Variants in PTPN4 observed in about 807,000 individuals in gnomAD.
The protein encoded by PTPN4 is tyrosine-protein phosphatase non-receptor type 4.
In PTPN4, 49 loss-of-function variants were observed where a neutral mutation model predicts 135.5. That is an observed-to-expected ratio of 0.36 (90% CI 0.29 to 0.46). The LOEUF (loss-of-function observed/expected upper bound fraction) is 0.46. Ranked by LOEUF, PTPN4 falls within the 20% of genes least tolerant of loss-of-function variation. The probability of loss-of-function intolerance (pLI) is 1.00; values close to 1 mark genes in which losing one functional copy is unlikely to be tolerated. For synonymous variants in PTPN4, 333 were observed against 369.9 expected (o/e 0.90, Z 1.14); for missense variants, 860 against 1,101.0 (o/e 0.78, Z 3.10).
chr2:119,935,177 T>A (rs1678964521), intron 15 of PTPN4: 2 of 524,466 alleles, frequency 3.8e-6, no homozygotes, highest in Non-Finnish European at 6.6e-6. Flanking sequence ...ACTTAGACAG[T>A]TCTTCAGTTT....
chr2:119,894,810 A>G (rs966903062), intron 9 of PTPN4, among the ~76,000 whole-genome samples: 1 of 152,216 alleles, frequency 6.6e-6, no homozygotes, highest in Admixed American at 6.5e-5. Flanking sequence ...TAGGTGATCA[A>G]TATTATGCAC....
chr2:119,907,693 C>T (rs1368937676), intron 10 of PTPN4, among the ~76,000 whole-genome samples: 5 of 152,052 alleles, frequency 3.3e-5, no homozygotes, highest in African/African-American at 1.2e-4. Flanking sequence ...AGATGGAAGA[C>T]ATCAAATTAT....
At chr2:119,822,457 C>CA (rs1312754149) in intron 2 of PTPN4, among the ~76,000 whole-genome samples, 1 of 145,554 alleles carries the variant, frequency 6.9e-6, no homozygotes, top group Non-Finnish European at 1.5e-5. Context: ...CTTGCGGGTT[C>CA]AAGTGATTCT....
intron 3 of PTPN4, among the ~76,000 whole-genome samples, chr2:119,870,500 A>T (rs1677894865): frequency 6.6e-6 from 1 of 152,200 alleles, no homozygotes; most frequent in African/African-American, 2.4e-5. Flanking sequence ...AGGATCCTCA[A>T]CTTCCTCTGG....
At chr2:119,956,237 ATTTTT>A (rs10627020) in intron 20 of PTPN4, among the ~76,000 whole-genome samples, 6 of 101,042 alleles carry the variant, frequency 5.9e-5, no homozygotes, top group East Asian at 3.2e-4. Flanking sequence ...ATAAACCTGA[ATTTTT>A]TTTTTTTTTT....
chr2:119,859,546 G>A (rs895988267), intron 2 of PTPN4, among the ~76,000 whole-genome samples: 14 of 152,238 alleles, frequency 9.2e-5, no homozygotes, highest in African/African-American at 3.1e-4. Flanking sequence ...TCTTCCTCCT[G>A]TCTGTTTGGG....
At chr2:119,810,650 C>T (rs1003665243) in intron 2 of PTPN4, among the ~76,000 whole-genome samples, 22 of 152,240 alleles carry the variant, frequency 1.4e-4, no homozygotes, top group African/African-American at 5.1e-4. Flanking sequence ...CTGCTGTGAA[C>T]ATTCTTGTAC....
intron 2 of PTPN4, among the ~76,000 whole-genome samples, chr2:119,853,330 GT>G (rs1407956353): frequency 4.6e-5 from 7 of 151,946 alleles, no homozygotes; most frequent in Admixed American, 1.3e-4. Context: ...CTTATTTTCT[GT>G]TTGTTCTGCT....
intron 1 of PTPN4, chr2:119,771,375 AAGT>A (rs1690731079): frequency 6.6e-6 from 1 of 152,110 alleles, no homozygotes; most frequent in East Asian, 1.9e-4. Flanking sequence ...AAATAAATAA[AAGT>A]AGGTTTATTT....
At chr2:119,845,071 C>T (rs1017411490) in intron 2 of PTPN4, among the ~76,000 whole-genome samples, 2 of 149,466 alleles carry the variant, frequency 1.3e-5, no homozygotes, top group East Asian at 2.0e-4. Flanking sequence ...GCCAACACAG[C>T]GAAACCCCGT....
At chr2:119,914,248 AT>A (rs55911315) in intron 10 of PTPN4, among the ~76,000 whole-genome samples, 1,812 of 97,086 alleles carry the variant, frequency 0.019, 4 homozygotes, top group African/African-American at 0.04. Context: ...TAGTTACTCA[AT>A]TTTTTTTTTT....
chr2:119,785,274 T>C (rs773855258), intron 1 of PTPN4, among the ~76,000 whole-genome samples: 3 of 152,218 alleles, frequency 2.0e-5, no homozygotes, highest in East Asian at 1.9e-4. Flanking sequence ...ACCAGCCACA[T>C]TGATATCACT....
At chr2:119,976,790 T>G (rs1449088636) in intron 26 of PTPN4, among the ~76,000 whole-genome samples, 194 bp from the exon 27 acceptor site, 1 of 152,196 alleles carries the variant, frequency 6.6e-6, no homozygotes. Context: ...AAGTGAGTTT[T>G]GCCAACAAAA....
intron 9 of PTPN4, among the ~76,000 whole-genome samples, chr2:119,888,027 G>C (rs1678185018): frequency 6.6e-6 from 1 of 152,066 alleles, no homozygotes; most frequent in Non-Finnish European, 1.5e-5. Context: ...ATTTGTTTGT[G>C]TCATCTTAAA....
chr2:119,764,124 TTC>T (rs1440646892), intron 1 of PTPN4, among the ~76,000 whole-genome samples: 1 of 152,234 alleles, frequency 6.6e-6, no homozygotes, highest in Non-Finnish European at 1.5e-5. Context: ...ACCTAAAGAT[TTC>T]TGTTTAGTCA....
intron 1 of PTPN4, among the ~76,000 whole-genome samples, chr2:119,768,740 T>C (rs1690683495): frequency 6.6e-6 from 1 of 152,200 alleles, no homozygotes; most frequent in Non-Finnish European, 1.5e-5. Context: ...GCCTGTGGCA[T>C]GGGGTCCTCA....
intron 3 of PTPN4, among the ~76,000 whole-genome samples, chr2:119,874,548 G>A (rs571328295): frequency 6.6e-6 from 1 of 152,160 alleles, no homozygotes; most frequent in Non-Finnish European, 1.5e-5. Context: ...CCATTCTTAC[G>A]AAATGTTCAA....
intron 13 of PTPN4, among the ~76,000 whole-genome samples, chr2:119,927,622 G>A (rs1343181899): frequency 6.6e-6 from 1 of 152,180 alleles, no homozygotes; most frequent in Non-Finnish European, 1.5e-5. Context: ...TTTAAGGAAC[G>A]TTTTGTAGGC....
chr2:119,971,380 T>C (rs537108940), intron 26 of PTPN4, among the ~76,000 whole-genome samples: 2 of 152,328 alleles, frequency 1.3e-5, no homozygotes, highest in Non-Finnish European at 2.9e-5. Context: ...GGAATTACTA[T>C]TTGACATGAG....
Sources: allele counts gnomAD v4.1 joint callset (sites outside exome capture counted in the v4.1 genomes callset), GRCh38; gene constraint gnomAD v4.1.1; transcripts MANE v1.5; gene names NCBI Gene and HGNC (gene_info 2026-07-23, HGNC 2026-07-21).